The following CDIN1 variants were observed in gnomAD, a reference collection of about 807,000 sequenced individuals.
CDIN1 encodes CDAN1 interacting nuclease 1.
Under a neutral mutation model 45.3 loss-of-function variants are expected in CDIN1, and 33 were observed. The ratio of observed to expected loss-of-function variants is 0.73; its 90% CI spans 0.55 to 0.97. The LOEUF (loss-of-function observed/expected upper bound fraction) is 0.97. Ranked by LOEUF, CDIN1 falls within the 50% of genes least tolerant of loss-of-function variation. The probability of loss-of-function intolerance (pLI) is 0.00; values close to 1 mark genes in which losing one functional copy is unlikely to be tolerated. For synonymous variants in CDIN1, 118 were observed against 124.4 expected (o/e 0.95, Z 0.34); for missense variants, 303 against 339.4 (o/e 0.89, Z 0.84).
intron 5 of CDIN1, among the ~76,000 whole-genome samples, chr15:36,667,774 C>T (rs532928104): frequency 6.6e-6 from 1 of 152,178 alleles, no homozygotes; most frequent in East Asian, 1.9e-4. Context: ...TACTATTTTG[C>T]TTAAGAAGCT....
At chr15:36,635,093 C>T (rs2039841245) in intron 1 of CDIN1, among the ~76,000 whole-genome samples, 1 of 152,122 alleles carries the variant, frequency 6.6e-6, no homozygotes, top group African/African-American at 2.4e-5. Flanking sequence ...ATAAATATCC[C>T]AAGCTTTGGG....
rs555379556 is a variant in CDIN1 at position 36,803,722 on chromosome 15, A to G, written c.717-4602A>G. Among the ~76,000 whole-genome samples, 3 of 152,314 alleles carry G rather than the reference A, an allele frequency of 2.0e-5. No individual in the cohort carries two copies. In the South Asian group the frequency reaches 6.2e-4, roughly 32 times the overall value. On this transcript the variant is annotated intron_variant, in intron 10 of 10. Coordinates refer to ENST00000566621, the MANE Select transcript of CDIN1 (RefSeq NM_001321759.2). The stretch of plus-strand genomic sequence containing the variant: ...ACGAATCAAATCCTTCCTCCATAAG[A>G]GCACTCTCAAAATCAGAACATGATG...
At chr15:36,800,443 A>G (rs2054973135) in intron 10 of CDIN1, among the ~76,000 whole-genome samples, 1 of 152,182 alleles carries the variant, frequency 6.6e-6, no homozygotes, top group Admixed American at 6.5e-5. Context: ...TCACTAATCT[A>G]TTATTATTGT....
At chr15:36,686,448 T>C (rs1488420301) in intron 5 of CDIN1, among the ~76,000 whole-genome samples, 2 of 148,262 alleles carry the variant, frequency 1.3e-5, no homozygotes, top group Non-Finnish European at 3.0e-5. Context: ...TTGGGAGATA[T>C]ACCTAATGCT....
intron 1 of CDIN1, among the ~76,000 whole-genome samples, chr15:36,605,860 T>G (rs1320357007): frequency 1.3e-5 from 2 of 152,204 alleles, no homozygotes; most frequent in Non-Finnish European, 2.9e-5. Context: ...GAAGTGCTTT[T>G]AAGTTTTCCT....
chr15:36,720,243 TTTA>T (rs2043360271), intron 10 of CDIN1, among the ~76,000 whole-genome samples: 3 of 72,432 alleles, frequency 4.1e-5, no homozygotes, highest in Non-Finnish European at 7.4e-5. Flanking sequence ...ATTTTATTTA[TTTA>T]TTATTTATTA....
chr15:36,709,121 A>G, intron 8 of CDIN1, 102 bp from the exon 9 acceptor site: 1 of 936,006 alleles, frequency 1.1e-6, no homozygotes, highest in Non-Finnish European at 1.5e-6. Context: ...ATGTATGACT[A>G]CAGTAGTAAT....
intron 1 of CDIN1, among the ~76,000 whole-genome samples, chr15:36,599,442 G>A (rs541421840): frequency 6.6e-6 from 1 of 152,256 alleles, no homozygotes; most frequent in African/African-American, 2.4e-5. Context: ...CACAGGAGGT[G>A]AATAAATATT....
At chr15:36,588,237 A>G (rs2037397014) in intron 1 of CDIN1, among the ~76,000 whole-genome samples, 1 of 140,796 alleles carries the variant, frequency 7.1e-6, no homozygotes, top group African/African-American at 2.7e-5. Context: ...TGGCATTTAA[A>G]AAAACCTTTT....
At chr15:36,767,861 T>C (rs1034776408) in intron 10 of CDIN1, among the ~76,000 whole-genome samples, 1 of 152,218 alleles carries the variant, frequency 6.6e-6, no homozygotes, top group African/African-American at 2.4e-5. Flanking sequence ...AATAAGTGTT[T>C]CTAATTTGCC....
At chr15:36,644,629 G>A (rs1831251298) in intron 2 of CDIN1, among the ~76,000 whole-genome samples, 2 of 152,128 alleles carry the variant, frequency 1.3e-5, no homozygotes, top group Admixed American at 6.5e-5. Context: ...GACTTGCACT[G>A]TCAGTGCTGC....
At chr15:36,777,827 T>G (rs967885644) in intron 10 of CDIN1, among the ~76,000 whole-genome samples, 19 of 152,164 alleles carry the variant, frequency 1.2e-4, no homozygotes, top group Non-Finnish European at 2.4e-4. Flanking sequence ...CACAGGCTGG[T>G]CTCGAACTCC....
At chr15:36,789,343 A>G (rs575502840) in intron 10 of CDIN1, among the ~76,000 whole-genome samples, 1 of 152,354 alleles carries the variant, frequency 6.6e-6, no homozygotes, top group East Asian at 1.9e-4. Context: ...AATCCTTTAG[A>G]GTAAACAAAT....
chr15:36,665,680 T>TG (rs35721845), intron 5 of CDIN1, among the ~76,000 whole-genome samples: 67,580 of 151,872 alleles, frequency 0.44, 15,399 homozygotes, highest in East Asian at 0.67. Flanking sequence ...TGGACAGAGA[T>TG]GGTCTTTCCC....
In CDIN1 at chr15:36,809,445, G is replaced by C. The variant is rs1249819671; in HGVS notation, c.*992G>C. The C allele has an allele frequency of 6.6e-6, 1 of 152,112 alleles. No individual in the cohort carries two copies. Among genetic ancestry groups the C allele is most frequent in the Non-Finnish European group, 1.5e-5 (1 of 68,040 alleles). 9.4% of individuals were successfully genotyped at this position (152,112 alleles called of 1,614,324 possible). The stretch of plus-strand genomic sequence containing the variant: ...ACTGAGTGTGCCAGAAATAAACCTG[G>C]AGCAATTTTTAAATAAGCAAAATAA... On this transcript the variant is annotated 3_prime_UTR_variant, in exon 11 of 11. Coordinates refer to ENST00000566621, the MANE Select transcript of CDIN1 (RefSeq NM_001321759.2).
chr15:36,712,158 C>G (rs1401924333), intron 10 of CDIN1, among the ~76,000 whole-genome samples: 1 of 149,960 alleles, frequency 6.7e-6, no homozygotes, highest in African/African-American at 2.5e-5. Flanking sequence ...TGATAAGCCT[C>G]TAGTTTATAT....
At chr15:36,764,177 G>T (rs8026936) in intron 10 of CDIN1, among the ~76,000 whole-genome samples, 101,871 of 150,412 alleles carry the variant, frequency 0.68, 34,731 homozygotes, top group East Asian at 0.93. Context: ...ATGGACTAAG[G>T]CCTAATAAGC....
chr15:36,619,062 TC>T, intron 1 of CDIN1: 1 of 1,230,636 alleles, frequency 8.1e-7, no homozygotes. Context: ...ACAATGAAGC[TC>T]CTTAGAAGTC....
At chr15:36,790,550 A>G (rs1243610825) in intron 10 of CDIN1, among the ~76,000 whole-genome samples, 1 of 152,220 alleles carries the variant, frequency 6.6e-6, no homozygotes, top group Admixed American at 6.5e-5. Flanking sequence ...AACACATAGA[A>G]AGAAATACTT....
Sources: gnomAD v4.1 joint callset for allele counts (sites outside exome capture counted in the v4.1 genomes callset) on GRCh38, gnomAD v4.1.1 for gene constraint, MANE v1.5 for transcripts, NCBI Gene and HGNC (gene_info 2026-07-23, HGNC 2026-07-21) for gene names.